Variants in KCNU1 observed in about 807,000 individuals in gnomAD.
KCNU1 encodes potassium channel subfamily U member 1.
In KCNU1, 93 loss-of-function variants were observed where a neutral mutation model predicts 126.8. The ratio of observed to expected loss-of-function variants is 0.73; its 90% CI spans 0.62 to 0.87. The LOEUF (loss-of-function observed/expected upper bound fraction) is 0.87. KCNU1 is among the 40% of genes least tolerant of loss of function. The probability of loss-of-function intolerance (pLI) is 0.00; values close to 1 mark genes in which losing one functional copy is unlikely to be tolerated. For synonymous variants in KCNU1, 523 were observed against 494.2 expected, an observed-to-expected ratio of 1.06 and a Z score of -0.77; for missense variants, 1,330 against 1,367.1, an observed-to-expected ratio of 0.97 and a Z score of 0.43.
At chr8:36,900,832 A>G (rs1760818613) in intron 19 of KCNU1, among the ~76,000 whole-genome samples, 1 of 152,108 alleles carries the variant, frequency 6.6e-6, no homozygotes, top group African/African-American at 2.4e-5. Context: ...GAACCAAGAA[A>G]GCCACTCAAA....
In KCNU1 at chr8:36,808,983, G is replaced by A. The variant is rs148988207; in HGVS notation, c.732+190G>A. ...CAAATATGCATCTCCTACAATCAAG[G>A]TGTCTCTGTTCCCTCTTCCAACTTT... On this transcript the variant is annotated intron_variant, in intron 7 of 26. Transcript: ENST00000399881. Among the ~76,000 whole-genome samples the A allele has an allele frequency of 5.9e-5, 9 of 152,004 alleles. No individual in the cohort carries two copies. The East Asian group carries it at 1.3e-3, about 23-fold the overall frequency.
chr8:36,855,494 A>T (rs1805496681), intron 18 of KCNU1, among the ~76,000 whole-genome samples: 1 of 152,086 alleles, frequency 6.6e-6, no homozygotes, highest in African/African-American at 2.4e-5. Flanking sequence ...TTTCTGCTGT[A>T]CTCCCTCTAG....
chr8:36,802,051 G>A (rs996081986), intron 2 of KCNU1, among the ~76,000 whole-genome samples: 3 of 148,158 alleles, frequency 2.0e-5, no homozygotes, highest in Admixed American at 1.4e-4. Context: ...GGAGGTTGCA[G>A]TGAGCCGAGA....
intron 18 of KCNU1, among the ~76,000 whole-genome samples, chr8:36,849,619 A>G (rs780741394): frequency 2.0e-5 from 3 of 152,078 alleles, no homozygotes; most frequent in Non-Finnish European, 4.4e-5. Flanking sequence ...AAAACCCACC[A>G]AAAACCTCAT....
In KCNU1 at chr8:36,922,504, A is replaced by T. The variant is rs529886119; in HGVS notation, c.2611A>T (p.Ile871Phe). The T allele has an allele frequency of 6.2e-7, 1 of 1,611,212 alleles. No homozygotes were observed. Among genetic ancestry groups the T allele is most frequent in the South Asian group, 1.1e-5 (1 of 90,504 alleles). The change falls in exon 24 of 27, where the codon ATT (isoleucine) becomes TTT (phenylalanine). Residue 871 changes from isoleucine (I) to phenylalanine (F), a missense_variant. Ile to Phe is a conservative substitution (Grantham distance 21). This residue lies in a region of KCNU1 where 1,054 missense variants were observed against 1,053.9 expected (regional missense o/e 1.00). Transcript: ENST00000399881. ...ILTELKNPSN[I>F]HFIEQLGGLE... ...TTGCCTTGCAGAAAATCCTTCCAAC[A>T]TTCACTTTATTGAACAGCTTGGTGG...
At chr8:36,844,315 G>A (rs1805062664) in intron 16 of KCNU1, among the ~76,000 whole-genome samples, 1 of 152,016 alleles carries the variant, frequency 6.6e-6, no homozygotes, top group Non-Finnish European at 1.5e-5. Context: ...GGAAGGCAGA[G>A]GTTGCAGTGA....
chr8:36,848,294 A>T lies in KCNU1; in HGVS notation c.1891+2395A>T, dbSNP rs546482418. Among the ~76,000 whole-genome samples, 3 of 152,280 alleles carry T rather than the reference A, an allele frequency of 2.0e-5. No homozygotes were observed. In the South Asian group the frequency reaches 6.2e-4, roughly 32 times the overall value. The stretch of plus-strand genomic sequence containing the variant: ...TCTTTGCTGTGCAGGTTTTGGTTTA[A>T]TATAGCACCATTTGTCTATTTTTGG... On this transcript the variant is annotated intron_variant, in intron 18 of 26. Coordinates refer to ENST00000399881, the MANE Select transcript of KCNU1 (RefSeq NM_001031836.3).
rs111581367 is a variant in KCNU1, at chr8:36,812,945, G to A, written c.733-1262G>A. ...TTTTACTTTGTACATGTTGTGCAGG[G>A]ATAATATTGAATCCCTGTACTACAA... On this transcript the variant is annotated intron_variant, in intron 7 of 26. Coordinates refer to ENST00000399881, the MANE Select transcript of KCNU1 (RefSeq NM_001031836.3). Among the ~76,000 whole-genome samples the A allele has an allele frequency of 2.5e-3, 384 of 152,274 alleles. 12 individuals carry two copies. Among genetic ancestry groups the A allele is most frequent in the African/African-American group, 8.8e-3 (367 of 41,550 alleles).
intron 10 of KCNU1, among the ~76,000 whole-genome samples, chr8:36,827,195 C>G (rs1403340744): frequency 6.6e-6 from 1 of 152,222 alleles, no homozygotes; most frequent in African/African-American, 2.4e-5. Context: ...ACTTCTGCCT[C>G]AGGACCATCT....
intron 19 of KCNU1, among the ~76,000 whole-genome samples, chr8:36,873,658 T>C (rs1034304097): frequency 1.1e-4 from 16 of 152,266 alleles, no homozygotes; most frequent in African/African-American, 3.8e-4. Flanking sequence ...CACAGCTGGC[T>C]GAGGACTGCA....
At chr8:36,815,370 G>C (rs1228071590) in intron 8 of KCNU1, among the ~76,000 whole-genome samples, 1 of 152,108 alleles carries the variant, frequency 6.6e-6, no homozygotes, top group Non-Finnish European at 1.5e-5. Flanking sequence ...CCTTGCTGCT[G>C]TCCTTTGCTT....
chr8:36,932,249 A>G (rs1808724731), intron 25 of KCNU1, among the ~76,000 whole-genome samples: 1 of 152,132 alleles, frequency 6.6e-6, no homozygotes, highest in South Asian at 2.1e-4. Context: ...TTGTAAGTGT[A>G]TATAAGCCCA....
intron 3 of KCNU1, 49 bp from the exon 4 acceptor site, chr8:36,805,146 C>A (rs770134678): frequency 6.6e-6 from 9 of 1,370,120 alleles, no homozygotes; most frequent in African/African-American, 1.4e-5. Flanking sequence ...TATATAGACA[C>A]CACTTTAAAA....
chr8:36,923,046 T>G, intron 24 of KCNU1: 2 of 457,812 alleles, frequency 4.4e-6, no homozygotes, highest in Non-Finnish European at 8.8e-6. Flanking sequence ...CCTTTGCTGG[T>G]GAGTTTTGCT....
At chr8:36,929,099 C>T in intron 24 of KCNU1, 1 of 666,242 alleles carries the variant, frequency 1.5e-6, no homozygotes. Flanking sequence ...AAAAAACAAT[C>T]AGCCAGACAC....
intron 2 of KCNU1, among the ~76,000 whole-genome samples, chr8:36,799,100 C>G (rs535543537): frequency 6.6e-6 from 1 of 152,278 alleles, no homozygotes; most frequent in East Asian, 1.9e-4. Context: ...CCTCTTTCTG[C>G]CTTTCTGATC....
intron 19 of KCNU1, among the ~76,000 whole-genome samples, chr8:36,903,231 T>A (rs1165455502): frequency 6.6e-6 from 1 of 152,164 alleles, no homozygotes; most frequent in Admixed American, 6.5e-5. Context: ...ATGTAAGTTA[T>A]CAATTTAGAA....
At chr8:36,934,158 G>A (rs1808785145) in intron 26 of KCNU1, among the ~76,000 whole-genome samples, 1 of 152,060 alleles carries the variant, frequency 6.6e-6, no homozygotes, top group Non-Finnish European at 1.5e-5. Flanking sequence ...AACAATGTTA[G>A]GAATTAAAAC....
At chr8:36,912,315 A>T (rs1317109946) in intron 22 of KCNU1, among the ~76,000 whole-genome samples, 1 of 152,208 alleles carries the variant, frequency 6.6e-6, no homozygotes, top group East Asian at 1.9e-4. Context: ...GGCACAAAGG[A>T]ATAAAACAGT....
Sources: allele counts gnomAD v4.1 joint callset (sites outside exome capture counted in the v4.1 genomes callset), GRCh38; gene constraint gnomAD v4.1.1; regional missense constraint gnomAD v4.1.1; transcripts MANE v1.5; gene names NCBI Gene and HGNC (gene_info 2026-07-23, HGNC 2026-07-21).